Variants in FSTL5 observed in about 807,000 individuals in gnomAD.
The protein encoded by FSTL5 is follistatin-related protein 5.
A neutral mutation model predicts 89.1 loss-of-function variants in FSTL5; 62 were observed. The ratio of observed to expected loss-of-function variants is 0.70; its 90% CI spans 0.57 to 0.86. FSTL5 has a LOEUF of 0.86. Among genes scored for constraint, FSTL5 ranks in the 40% least tolerant of loss-of-function variants. FSTL5 has a pLI of 0.00. For missense variants in FSTL5, 1,057 were observed against 1,001.6 expected (o/e 1.06, Z -0.75); for synonymous variants, 383 against 346.2 (o/e 1.11, Z -1.18).
chr4:161,776,727 TATGTACATAAATATGTACATA>T (rs1741425011), intron 4 of FSTL5, among the ~76,000 whole-genome samples: 1 of 151,824 alleles, frequency 6.6e-6, no homozygotes, highest in Non-Finnish European at 1.5e-5. Flanking sequence ...ACAAATACAT[TATGTACATAAATATGTACATA>T]ATGTCTGTAC....
intron 4 of FSTL5, among the ~76,000 whole-genome samples, chr4:161,888,600 C>A (rs910472052): frequency 1.3e-5 from 2 of 152,064 alleles, no homozygotes; most frequent in African/African-American, 4.8e-5. Flanking sequence ...CTGACATTTT[C>A]ATTAATGCAA....
At chr4:161,642,762 A>G (rs1214009499) in intron 7 of FSTL5, among the ~76,000 whole-genome samples, 1 of 151,736 alleles carries the variant, frequency 6.6e-6, no homozygotes, top group Non-Finnish European at 1.5e-5. Context: ...AAAATCAGAC[A>G]GAAAGCAGCA....
chr4:161,642,221 G>T (rs1735990106), intron 7 of FSTL5, among the ~76,000 whole-genome samples: 1 of 152,062 alleles, frequency 6.6e-6, no homozygotes, highest in Non-Finnish European at 1.5e-5. Context: ...ATTTTGCGAA[G>T]ACACTCTTAG....
chr4:161,672,289 C>T (rs563526516), intron 6 of FSTL5, among the ~76,000 whole-genome samples: 24 of 152,118 alleles, frequency 1.6e-4, no homozygotes, highest in African/African-American at 4.8e-4. Flanking sequence ...CTTTCTGTGC[C>T]CCTTTAACAT....
At chr4:162,055,411 G>A (rs149171034) in intron 2 of FSTL5, among the ~76,000 whole-genome samples, 1 of 151,316 alleles carries the variant, frequency 6.6e-6, no homozygotes, top group African/African-American at 2.4e-5. Flanking sequence ...CAAAGTATCT[G>A]TAATATCTCT....
At chr4:162,086,456 T>G (rs1730325487) in intron 2 of FSTL5, among the ~76,000 whole-genome samples, 1 of 152,018 alleles carries the variant, frequency 6.6e-6, no homozygotes, top group Admixed American at 6.6e-5. Flanking sequence ...GTTAACAATT[T>G]ATAGGATATT....
At chr4:161,942,041 T>C (rs1560928096) in intron 3 of FSTL5, among the ~76,000 whole-genome samples, 1 of 151,816 alleles carries the variant, frequency 6.6e-6, no homozygotes, top group Non-Finnish European at 1.5e-5. Flanking sequence ...TAAACAATCA[T>C]GGCTAAAAGA....
At chr4:161,715,673 C>G (rs895062725) in intron 6 of FSTL5, among the ~76,000 whole-genome samples, 3 of 152,152 alleles carry the variant, frequency 2.0e-5, no homozygotes, top group African/African-American at 7.2e-5. Context: ...ATCTCAATAG[C>G]TCCACTTAGA....
intron 15 of FSTL5, chr4:161,388,557 A>G (rs1046259574): frequency 6.6e-6 from 1 of 152,088 alleles, no homozygotes; most frequent in Admixed American, 6.6e-5. Flanking sequence ...TTTACTATAA[A>G]CAAACATATA....
chr4:161,860,638 TTAATC>T (rs1348882812), intron 4 of FSTL5, among the ~76,000 whole-genome samples: 1 of 152,194 alleles, frequency 6.6e-6, no homozygotes, highest in Non-Finnish European at 1.5e-5. Flanking sequence ...TATGTAAAAA[TTAATC>T]TAACCATTTC....
chr4:161,989,733 T>C (rs75116178), intron 3 of FSTL5, among the ~76,000 whole-genome samples: 8,364 of 152,078 alleles, frequency 0.055, 266 homozygotes, highest in Non-Finnish European at 0.077. Context: ...CATTGGGAAG[T>C]TTTGACTAAA....
chr4:161,813,918 G>A (rs1014323986), intron 4 of FSTL5, among the ~76,000 whole-genome samples: 7 of 151,954 alleles, frequency 4.6e-5, no homozygotes, highest in African/African-American at 1.7e-4. Flanking sequence ...AATAGAAAAG[G>A]GAAATTTTAT....
At chr4:161,549,166 CAAATGA>C (rs1181891855) in intron 8 of FSTL5, among the ~76,000 whole-genome samples, 1 of 151,744 alleles carries the variant, frequency 6.6e-6, no homozygotes, top group Non-Finnish European at 1.5e-5. Flanking sequence ...TTGATTGAGA[CAAATGA>C]AGATTTGGGG....
chr4:161,924,974 T>C (rs925221931), intron 3 of FSTL5, among the ~76,000 whole-genome samples: 12 of 151,878 alleles, frequency 7.9e-5, no homozygotes, highest in Middle Eastern at 3.2e-3. Flanking sequence ...ATTTTGGTCA[T>C]AGAACAGAAT....
At chr4:161,833,145 A>G (rs1730904890) in intron 4 of FSTL5, among the ~76,000 whole-genome samples, 1 of 151,484 alleles carries the variant, frequency 6.6e-6, no homozygotes, top group Non-Finnish European at 1.5e-5. Flanking sequence ...TGTACCCAGT[A>G]GTCATTCAGG....
At chr4:161,930,845 G>A (rs1416803918) in intron 3 of FSTL5, among the ~76,000 whole-genome samples, 1 of 151,830 alleles carries the variant, frequency 6.6e-6, no homozygotes, top group Admixed American at 6.6e-5. Flanking sequence ...ATAATTGCAA[G>A]CTTTTTCAGA....
chr4:161,384,630 TA>T lies in FSTL5; in HGVS notation c.*1116del, dbSNP rs1730549547. On this transcript the variant is annotated 3_prime_UTR_variant, in exon 16 of 16. Transcript: ENST00000306100. ...GAAATTTTAGAATAAAGGTTTTTGA[TA>T]CATTATATTTAAATAGCAAAAACAA... 6.6e-6 allele frequency: 1 copy of T among 152,148 alleles called. No homozygotes were observed. The highest frequency in any genetic ancestry group is 2.4e-5 in the African/African-American group (1 of 41,464). The allele number at this position is 152,148 out of a possible 1,614,324, so 9.4% of individuals were successfully genotyped here.
chr4:162,146,643 CTG>C (rs1732996458), intron 1 of FSTL5, among the ~76,000 whole-genome samples: 1 of 151,534 alleles, frequency 6.6e-6, no homozygotes, highest in Non-Finnish European at 1.5e-5. Flanking sequence ...TTCTGAGTTT[CTG>C]TGTTTTTTAC....
At chr4:161,569,035 T>G (rs1732914132) in intron 8 of FSTL5, among the ~76,000 whole-genome samples, 1 of 152,174 alleles carries the variant, frequency 6.6e-6, no homozygotes, top group South Asian at 2.1e-4. Flanking sequence ...ACAATGTGTC[T>G]TCACCCAAAG....
Sources: gnomAD v4.1 joint callset for allele counts (sites outside exome capture counted in the v4.1 genomes callset) on GRCh38, gnomAD v4.1.1 for gene constraint, MANE v1.5 for transcripts, NCBI Gene and HGNC (gene_info 2026-07-23, HGNC 2026-07-21) for gene names.